The following SNTG1 variants were observed in gnomAD, a reference collection of about 807,000 sequenced individuals.
SNTG1 encodes the protein syntrophin gamma 1.
Under a neutral mutation model 74.7 loss-of-function variants are expected in SNTG1, and 39 were observed. That is an observed-to-expected ratio of 0.52 (90% CI 0.40 to 0.68). The LOEUF (loss-of-function observed/expected upper bound fraction) is 0.68. Ranked by LOEUF, SNTG1 falls within the 30% of genes least tolerant of loss-of-function variation. The pLI, the probability that SNTG1 is intolerant of heterozygous loss-of-function variation, is 0.00. For missense variants in SNTG1, 685 were observed against 609.5 expected (o/e 1.12, Z -1.30); for synonymous variants, 254 against 217.1 (o/e 1.17, Z -1.49).
At chr8:50,534,519 G>A (rs768459186) in intron 10 of SNTG1, among the ~76,000 whole-genome samples, 7 of 152,096 alleles carry the variant, frequency 4.6e-5, no homozygotes, top group South Asian at 2.1e-4. Flanking sequence ...CTTGTCTCAC[G>A]CCTGCAATCC....
chr8:50,217,058 T>C (rs1264764933), intron 2 of SNTG1, among the ~76,000 whole-genome samples: 1 of 151,580 alleles, frequency 6.6e-6, no homozygotes, highest in Non-Finnish European at 1.5e-5. Context: ...ATGAAACAAA[T>C]GGGCTGACAA....
chr8:50,767,971 T>A (rs2095617969), intron 18 of SNTG1, among the ~76,000 whole-genome samples: 1 of 152,020 alleles, frequency 6.6e-6, no homozygotes, highest in East Asian at 1.9e-4. Context: ...CATATTCGTC[T>A]AAACTACTGA....
chr8:50,530,217 C>T lies in SNTG1; in HGVS notation c.507C>T (p.Leu169=), dbSNP rs750555939. 3 of 1,613,708 alleles carry T rather than the reference C, an allele frequency of 1.9e-6. No individual in the cohort carries two copies. The African/African-American group carries it at 4.0e-5, about 22-fold the overall frequency. ...SDQSSGTSSP[L]CDSGLHLNYH... Reference sequence around the variant, plus strand: ...AGAGCAGTGGCACCTCCTCTCCTCTCTGTGACAGTGGCTTACATCTCAACT... The same window carrying T: ...AGAGCAGTGGCACCTCCTCTCCTCTTTGTGACAGTGGCTTACATCTCAACT... Residue 169 remains leucine, a synonymous_variant, in exon 10 of 19, where the codon CTC becomes CTT. Coordinates refer to ENST00000642720, the MANE Select transcript of SNTG1 (RefSeq NM_018967.5).
intron 2 of SNTG1, among the ~76,000 whole-genome samples, chr8:50,328,425 A>G (rs562708001): frequency 3.9e-5 from 6 of 152,308 alleles, no homozygotes; most frequent in African/African-American, 1.4e-4. Flanking sequence ...TAAAGGATAA[A>G]GGTTTAATTG....
intron 1 of SNTG1, among the ~76,000 whole-genome samples, chr8:50,113,225 T>C (rs1231316129): frequency 1.3e-5 from 2 of 152,202 alleles, no homozygotes; most frequent in Non-Finnish European, 2.9e-5. Flanking sequence ...ATTCTTCCTA[T>C]CCATGAGCAT....
intron 2 of SNTG1, among the ~76,000 whole-genome samples, chr8:50,206,231 TC>T (rs2084230294): frequency 6.6e-6 from 1 of 152,236 alleles, no homozygotes; most frequent in Non-Finnish European, 1.5e-5. Flanking sequence ...GTTTGTGTCC[TC>T]TTTTATTTTG....
At chr8:50,772,165 T>C (rs924373387) in intron 18 of SNTG1, among the ~76,000 whole-genome samples, 2 of 152,054 alleles carry the variant, frequency 1.3e-5, no homozygotes, top group African/African-American at 2.4e-5. Flanking sequence ...CAACACCATG[T>C]AATGCCCACC....
At chr8:50,261,945 C>T (rs183023966) in intron 2 of SNTG1, among the ~76,000 whole-genome samples, 1 of 152,156 alleles carries the variant, frequency 6.6e-6, no homozygotes, top group Admixed American at 6.5e-5. Context: ...CTTTAAATGT[C>T]AATGGTCTCT....
chr8:50,701,924 C>T (rs2095427471), intron 15 of SNTG1, among the ~76,000 whole-genome samples: 1 of 151,424 alleles, frequency 6.6e-6, no homozygotes, highest in African/African-American at 2.4e-5. Flanking sequence ...AGTCTTGGCT[C>T]ACTGCAACCT....
chr8:50,228,263 A>G (rs1485285730), intron 2 of SNTG1, among the ~76,000 whole-genome samples: 1 of 151,970 alleles, frequency 6.6e-6, no homozygotes, highest in East Asian at 1.9e-4. Flanking sequence ...AAAAGGAATA[A>G]AAGAAACAAA....
At chr8:50,728,543 G>GTTGA (rs1397237866) in intron 17 of SNTG1, among the ~76,000 whole-genome samples, 2 of 152,094 alleles carry the variant, frequency 1.3e-5, no homozygotes, top group African/African-American at 4.8e-5. Context: ...CCACCAAATA[G>GTTGA]TTGATTGATT....
At chr8:50,003,858 C>T (rs1814971070) in intron 1 of SNTG1, among the ~76,000 whole-genome samples, 2 of 152,154 alleles carry the variant, frequency 1.3e-5, no homozygotes, top group South Asian at 4.1e-4. Flanking sequence ...TTCCAGGTGT[C>T]TCTCTCCTGT....
chr8:50,539,654 C>T (rs1419301024), intron 11 of SNTG1, among the ~76,000 whole-genome samples: 1 of 152,124 alleles, frequency 6.6e-6, no homozygotes, highest in African/African-American at 2.4e-5. Context: ...CCCACAAGCC[C>T]ATTTATTCTA....
chr8:50,719,484 A>G (rs1306519463), intron 17 of SNTG1, among the ~76,000 whole-genome samples: 1 of 152,152 alleles, frequency 6.6e-6, no homozygotes, highest in Non-Finnish European at 1.5e-5. Flanking sequence ...ATACATTTCT[A>G]TTGTTTCTAT....
At position 50,236,176 on chromosome 8, in the gene SNTG1, G is replaced by A. The variant is rs72640744; in HGVS notation, c.-28+63541G>A. 6.8e-3 allele frequency among the ~76,000 whole-genome samples: 1,039 copies of A among 152,244 alleles called. 3 individuals are homozygous for A. The highest frequency in any genetic ancestry group is 0.027 in the Middle Eastern group (8 of 292). On this transcript the variant is annotated intron_variant, in intron 2 of 18. Coordinates refer to ENST00000642720, the MANE Select transcript of SNTG1 (RefSeq NM_018967.5). ...TTTCCTTTTCCTAGTCTAACAAAGA[G>A]TGCCACTATAGATTATTATAATATG...
At chr8:49,947,844 T>C (rs530726524) in intron 1 of SNTG1, among the ~76,000 whole-genome samples, 2 of 152,272 alleles carry the variant, frequency 1.3e-5, no homozygotes, top group East Asian at 3.9e-4. Context: ...TAAAAGTTGA[T>C]ATCAGGCCTG....
intron 1 of SNTG1, among the ~76,000 whole-genome samples, chr8:50,102,881 G>T (rs203914): frequency 4.8e-5 from 7 of 145,394 alleles, no homozygotes; most frequent in Admixed American, 4.8e-4. Context: ...GATATGCGGC[G>T]TTATTTCTGA....
At chr8:50,462,794 C>G (rs1295997189) in intron 8 of SNTG1, among the ~76,000 whole-genome samples, 2 of 43,628 alleles carry the variant, frequency 4.6e-5, no homozygotes, top group Admixed American at 5.9e-4. Flanking sequence ...TCAGGTTCTA[C>G]TCTTTTTTTT....
At chr8:50,551,439 G>A (rs2094425939) in intron 11 of SNTG1, among the ~76,000 whole-genome samples, 1 of 152,068 alleles carries the variant, frequency 6.6e-6, no homozygotes, top group Non-Finnish European at 1.5e-5. Flanking sequence ...AAAAAATCTA[G>A]CTGCTATTTA....
Sources: gnomAD v4.1 joint callset for allele counts (sites outside exome capture counted in the v4.1 genomes callset) on GRCh38, gnomAD v4.1.1 for gene constraint, MANE v1.5 for transcripts, NCBI Gene and HGNC (gene_info 2026-07-23, HGNC 2026-07-21) for gene names.